Variants in FRMD4B observed in about 807,000 individuals in gnomAD.
FRMD4B encodes FERM domain-containing protein 4B.
In FRMD4B, 74 loss-of-function variants were observed where a neutral mutation model predicts 141.5. That is an observed-to-expected ratio of 0.52 (90% CI 0.43 to 0.63). The LOEUF is 0.63. FRMD4B is among the 30% of genes least tolerant of loss of function. The probability of loss-of-function intolerance (pLI) is 0.00; values close to 1 mark genes in which losing one functional copy is unlikely to be tolerated. For synonymous variants in FRMD4B, 506 were observed against 467.9 expected (o/e 1.08, Z -1.05); for missense variants, 1,366 against 1,253.4 (o/e 1.09, Z -1.36).
rs904729589 is a variant in FRMD4B at position 69,493,729 on chromosome 3, G to A, written c.-129+48477C>T. Among the ~76,000 whole-genome samples the A allele has an allele frequency of 2.6e-5, 4 of 151,932 alleles. No homozygotes were observed. The South Asian group carries it at 6.2e-4, about 24-fold the overall frequency. On this transcript the variant is annotated intron_variant, in intron 1 of 5. Transcript: ENST00000459638. ...TCTCTCTCTCGATTATAAGCTTCAC[G>A]AAGGCAGGGGCTGTGTTTACCTTGC...
At chr3:69,438,041 T>C (rs1705288490) in intron 1 of FRMD4B, among the ~76,000 whole-genome samples, 1 of 142,496 alleles carries the variant, frequency 7.0e-6, no homozygotes, top group Non-Finnish European at 1.5e-5. Context: ...TGTAACTATA[T>C]ATACTACTAT....
At position 69,168,984 on chromosome 3, in the gene FRMD4B, G is replaced by C. The variant is rs541887944; in HGVS notation, c.*2877C>G. Among the ~76,000 whole-genome samples, 58 of 129,498 alleles carry C rather than the reference G, an allele frequency of 4.5e-4. 2 individuals carry two copies. In the South Asian group the frequency reaches 0.01, roughly 23 times the overall value. The allele number at this position is 129,498 out of a possible 152,430, so 85.0% of individuals were successfully genotyped here. A position where few individuals can be genotyped will look rare whatever the true frequency, so the allele number is the denominator to read the frequency against. ...TGATACAGAGGCCCAAGATATATTAGGCAGAAAACAAAACAAACAAAAAAA... is the reference window on the plus strand; with the variant it reads ...TGATACAGAGGCCCAAGATATATTACGCAGAAAACAAAACAAACAAAAAAA... On this transcript the variant is annotated 3_prime_UTR_variant, in exon 23 of 23. Transcript: ENST00000398540.
chr3:69,176,569 G>A lies in FRMD4B; in HGVS notation c.2939C>T (p.Thr980Ile). The A allele has an allele frequency of 6.2e-7, 1 of 1,611,548 alleles. No homozygotes were observed. Among genetic ancestry groups the A allele is most frequent in the Non-Finnish European group, 8.5e-7 (1 of 1,177,666 alleles). The change falls in exon 22 of 23, where the codon ACC becomes ATC. Residue 980 changes from threonine (T) to isoleucine (I), a missense_variant. Thr to Ile is a moderately conservative substitution (Grantham distance 89). Coordinates refer to ENST00000398540, the MANE Select transcript of FRMD4B (RefSeq NM_015123.3). Reference sequence around the variant, plus strand: ...ATTATAGACATTGCCATAGCAGCTGGTGTAAGAAGAATGTGCTGGAGTCTC... The same window carrying A: ...ATTATAGACATTGCCATAGCAGCTGATGTAAGAAGAATGTGCTGGAGTCTC... ...DYETPAHSSY[T>I]SCYGNVYNPL...
At chr3:69,495,780 T>G (rs1706373510) in intron 1 of FRMD4B, among the ~76,000 whole-genome samples, 1 of 152,208 alleles carries the variant, frequency 6.6e-6, no homozygotes, top group African/African-American at 2.4e-5. Flanking sequence ...GGGACTGTGA[T>G]GATTTCAACT....
intron 7 of FRMD4B, among the ~76,000 whole-genome samples, chr3:69,242,365 C>A (rs1454934333): frequency 6.6e-6 from 1 of 151,794 alleles, no homozygotes; most frequent in African/African-American, 2.4e-5. Flanking sequence ...GCTTTAAGTG[C>A]TCCAGAGGTG....
intron 11 of FRMD4B, among the ~76,000 whole-genome samples, chr3:69,204,167 G>A (rs6784519): frequency 0.2 from 30,214 of 152,018 alleles, 3,157 homozygotes; most frequent in East Asian, 0.37. Context: ...AGGAAAGGAG[G>A]AATGTGTCCC....
intron 1 of FRMD4B, among the ~76,000 whole-genome samples, chr3:69,478,680 T>C (rs1706048283): frequency 1.3e-5 from 2 of 152,324 alleles, no homozygotes; most frequent in East Asian, 3.9e-4. Flanking sequence ...GTGTATATTC[T>C]GTTGATTTGG....
intron 1 of FRMD4B, among the ~76,000 whole-genome samples, chr3:69,454,181 T>C (rs1005810753): frequency 4.6e-5 from 7 of 152,210 alleles, no homozygotes; most frequent in Non-Finnish European, 1.0e-4. Flanking sequence ...TGTTCAATAG[T>C]ATCATCAAAG....
Position 69,200,918 on chromosome 3 carries a change from G to C in FRMD4B, c.877-2144C>G, listed in dbSNP as rs1352812034. 4.2e-5 allele frequency: 19 copies of C among 452,618 alleles called. No individual in the cohort carries two copies. In the Admixed American group the frequency reaches 4.5e-4, roughly 11 times the overall value. 28.0% of individuals were successfully genotyped at this position (452,618 alleles called of 1,614,324 possible). ...AAAACCAGGGCTGGACTTGAAACATGATCTCTGAAAGTCACCACCTCCCCC... is the reference window on the plus strand; with the variant it reads ...AAAACCAGGGCTGGACTTGAAACATCATCTCTGAAAGTCACCACCTCCCCC... On this transcript the variant is annotated intron_variant, in intron 11 of 22. Transcript: ENST00000398540.
At chr3:69,449,077 A>G (rs1705453204) in intron 1 of FRMD4B, among the ~76,000 whole-genome samples, 1 of 152,156 alleles carries the variant, frequency 6.6e-6, no homozygotes, top group African/African-American at 2.4e-5. Context: ...TTAATATTCA[A>G]CAGGCTTTAT....
At chr3:69,508,697 T>C (rs17006041) in intron 1 of FRMD4B, among the ~76,000 whole-genome samples, 4,873 of 152,252 alleles carry the variant, frequency 0.032, 153 homozygotes, top group East Asian at 0.1. Context: ...CAAGGGAAAT[T>C]TTAAAATATC....
intron 5 of FRMD4B, among the ~76,000 whole-genome samples, chr3:69,276,448 A>T (rs757433202): frequency 6.6e-6 from 1 of 151,756 alleles, no homozygotes; most frequent in African/African-American, 2.4e-5. Context: ...AATTTTTTTT[A>T]TGGTTTGTAG....
At chr3:69,464,423 C>T (rs1442104416) in intron 1 of FRMD4B, among the ~76,000 whole-genome samples, 5 of 152,156 alleles carry the variant, frequency 3.3e-5, no homozygotes, top group Middle Eastern at 3.2e-3. Flanking sequence ...AGAAAGTAAA[C>T]TGTCACCTAT....
At chr3:69,447,807 TG>T (rs1184346301) in intron 1 of FRMD4B, among the ~76,000 whole-genome samples, 2 of 152,254 alleles carry the variant, frequency 1.3e-5, no homozygotes, top group African/African-American at 4.8e-5. Context: ...TGAATTTTTT[TG>T]TGTCTCTGGC....
chr3:69,200,654 A>T, intron 11 of FRMD4B: 2 of 1,237,898 alleles, frequency 1.6e-6, no homozygotes, highest in Non-Finnish European at 2.1e-6. Flanking sequence ...AGGAGGGCAA[A>T]GTTCTCAGTG....
At chr3:69,267,109 G>C (rs575207263) in intron 5 of FRMD4B, among the ~76,000 whole-genome samples, 1 of 152,298 alleles carries the variant, frequency 6.6e-6, no homozygotes, top group East Asian at 1.9e-4. Context: ...AAAGAGATAG[G>C]ACAGGGTGTA....
rs140314603 is a variant in FRMD4B, at chr3:69,540,060, G to A, written c.-129+2146C>T. Among the ~76,000 whole-genome samples, 1,057 of 152,278 alleles carry A rather than the reference G, an allele frequency of 6.9e-3. 11 individuals carry two copies. Among genetic ancestry groups the A allele is most frequent in the African/African-American group, 0.024 (980 of 41,568 alleles). ...ATACAAAAATTAGCCGGGCTTGGTG[G>A]CACATGCCTGTAATCCCAGCTACAA... On this transcript the variant is annotated intron_variant, in intron 1 of 5. Transcript: ENST00000459638.
chr3:69,296,895 T>G (rs1464240225), intron 4 of FRMD4B, among the ~76,000 whole-genome samples: 1 of 152,132 alleles, frequency 6.6e-6, no homozygotes, highest in Non-Finnish European at 1.5e-5. Flanking sequence ...AAGAAGAAAA[T>G]GAAAATCATC....
At chr3:69,485,809 G>T (rs975641437) in intron 1 of FRMD4B, among the ~76,000 whole-genome samples, 2 of 152,218 alleles carry the variant, frequency 1.3e-5, no homozygotes, top group African/African-American at 4.8e-5. Flanking sequence ...CATCATGGTG[G>T]CCCCCAAGGC....
Sources: gnomAD v4.1 joint callset for allele counts (sites outside exome capture counted in the v4.1 genomes callset) on GRCh38, gnomAD v4.1.1 for gene constraint, MANE v1.5 for transcripts, NCBI Gene and HGNC (gene_info 2026-07-23, HGNC 2026-07-21) for gene names.